KALRN: variants seen among roughly 807,000 people sequenced by gnomAD.
KALRN encodes the protein kalirin RhoGEF kinase.
KALRN carries 70 observed loss-of-function variants against 353.7 expected under a neutral mutation model. The observed-to-expected ratio is 0.20, with a 90% CI of 0.16 to 0.24. The LOEUF is 0.24. Among genes scored for constraint, KALRN ranks in the 10% least tolerant of loss-of-function variants. The pLI is 1.00. For missense variants in KALRN, 2,791 were observed against 3,756.7 expected (o/e 0.74, Z 6.72); for synonymous variants, 1,391 against 1,434.8 (o/e 0.97, Z 0.69).
intron 34 of KALRN, among the ~76,000 whole-genome samples, chr3:124,619,589 C>G (rs2079049089): frequency 6.8e-6 from 1 of 147,036 alleles, no homozygotes; most frequent in South Asian, 2.2e-4. Context: ...CAGGCTCAAG[C>G]AATTCTCCTG....
At chr3:124,659,553 C>A in intron 43 of KALRN, 96 bp downstream of exon 43, 2 of 816,348 alleles carry the variant, frequency 2.4e-6, no homozygotes, top group Non-Finnish European at 4.3e-6. Flanking sequence ...TCTGTCTCCA[C>A]CACACTGTCC....
At chr3:124,305,342 C>T (rs1273499148) in intron 6 of KALRN, among the ~76,000 whole-genome samples, 1 of 152,108 alleles carries the variant, frequency 6.6e-6, no homozygotes, top group African/African-American at 2.4e-5. Flanking sequence ...TTGCCAGAGA[C>T]AATCAGGGAA....
chr3:124,501,681 G>A (rs919575222), intron 33 of KALRN, among the ~76,000 whole-genome samples: 4 of 152,094 alleles, frequency 2.6e-5, no homozygotes, highest in Admixed American at 2.6e-4. Context: ...CACACTGGGA[G>A]GCCACTAGAT....
chr3:124,612,387 G>A (rs2078093412), intron 34 of KALRN, among the ~76,000 whole-genome samples: 1 of 152,170 alleles, frequency 6.6e-6, no homozygotes. Context: ...ATTTTTAGTA[G>A]ACATGGGGTT....
rs1184630192 is a variant in KALRN, at chr3:124,367,515, AC to A, written c.1771-17323del. Among the ~76,000 whole-genome samples the A allele has an allele frequency of 7.6e-5, 6 of 78,534 alleles. No homozygotes were observed. The East Asian group carries it at 1.4e-3, about 19-fold the overall frequency. The allele number at this position is 78,534 out of a possible 152,430, so 51.5% of individuals were successfully genotyped here. A position where few individuals can be genotyped will look rare whatever the true frequency, so the allele number is the denominator to read the frequency against. On this transcript the variant is annotated intron_variant, in intron 10 of 59. Coordinates refer to ENST00000682506, the MANE Select transcript of KALRN (RefSeq NM_001388419.1). ...GGCAGCTGGCCGGGCGGGGGGGCTG[AC>A]CCCCCCACCTCCCTCCCGGACGGGG...
rs1314469588 is a variant in KALRN at position 124,489,430 on chromosome 3, C to T, written c.4396+1115C>T. ...TTTTTCTCTTCTGGACTCCATCCTA[C>T]TCCGCCAATACCACCAACACCACCT... On this transcript the variant is annotated intron_variant, in intron 29 of 59. Transcript: ENST00000682506. Among the ~76,000 whole-genome samples the T allele has an allele frequency of 2.0e-5, 3 of 152,324 alleles. No homozygotes were observed. The East Asian group carries it at 5.8e-4, about 29-fold the overall frequency.
At position 124,725,827 on chromosome 3, in the gene KALRN, G is replaced by C. The variant is rs1313441529; in HGVS notation, c.*6357G>C. ...TTTGAGTGACCCCTGCCCCCCTCAA[G>C]TCTTTTGAGAATTTGGAGTGGGCTT... On this transcript the variant is annotated 3_prime_UTR_variant, in exon 60 of 60. Transcript: ENST00000682506. The C allele has an allele frequency of 6.6e-6, 1 of 152,174 alleles. No individual in the cohort carries two copies. The highest frequency in any genetic ancestry group is 6.5e-5 in the Admixed American group (1 of 15,284). The allele number at this position is 152,174 out of a possible 1,614,324, so 9.4% of individuals were successfully genotyped here.
intron 10 of KALRN, among the ~76,000 whole-genome samples, chr3:124,369,135 A>G (rs2085469777): frequency 6.6e-6 from 1 of 152,232 alleles, no homozygotes; most frequent in Non-Finnish European, 1.5e-5. Context: ...GTATTTCTCC[A>G]AGCATTCGTG....
intron 34 of KALRN, among the ~76,000 whole-genome samples, chr3:124,575,366 A>G (rs2073989815): frequency 6.6e-6 from 1 of 152,200 alleles, no homozygotes; most frequent in South Asian, 2.1e-4. Context: ...GACCCATCTC[A>G]GTTCAGAATG....
chr3:124,389,449 C>A (rs1484321681), intron 11 of KALRN, among the ~76,000 whole-genome samples: 1 of 152,182 alleles, frequency 6.6e-6, no homozygotes, highest in Non-Finnish European at 1.5e-5. Context: ...CTCATTTCTT[C>A]TACAAATTCA....
At chr3:124,572,619 G>A (rs2073665044) in intron 34 of KALRN, among the ~76,000 whole-genome samples, 1 of 152,184 alleles carries the variant, frequency 6.6e-6, no homozygotes, top group South Asian at 2.1e-4. Flanking sequence ...ATGTAACAGA[G>A]TTGCTGGGAG....
chr3:124,135,341 A>G (rs755675773), intron 1 of KALRN, among the ~76,000 whole-genome samples: 50 of 152,276 alleles, frequency 3.3e-4, no homozygotes, highest in African/African-American at 1.2e-3. Flanking sequence ...ACACAAAGGC[A>G]TAAGAATGAT....
chr3:124,503,506 A>G (rs2064852951), intron 33 of KALRN, among the ~76,000 whole-genome samples: 1 of 152,018 alleles, frequency 6.6e-6, no homozygotes, highest in Non-Finnish European at 1.5e-5. Context: ...TTTGAAAATA[A>G]CTTTCTTCCC....
intron 13 of KALRN, among the ~76,000 whole-genome samples, chr3:124,401,995 T>G (rs2090935924): frequency 6.6e-6 from 1 of 152,128 alleles, no homozygotes; most frequent in Admixed American, 6.5e-5. Context: ...GGTCTGTGAT[T>G]ACAGGACCTA....
chr3:124,488,360 C>A, intron 29 of KALRN, 45 bp downstream of exon 29: 1 of 1,234,602 alleles, frequency 8.1e-7, no homozygotes, highest in Non-Finnish European at 1.2e-6. Context: ...TCTTCCTTGA[C>A]ACGGGGGAGC....
rs1465533583 is a variant in KALRN at position 124,614,032 on chromosome 3, T to C, written c.5183-18388T>C. Reference sequence around the variant, plus strand: ...ATTTGAGATCTATAGAAGAGACTCATGGGTTGAGTATAAACCTGGCCTCAG... The same window carrying C: ...ATTTGAGATCTATAGAAGAGACTCACGGGTTGAGTATAAACCTGGCCTCAG... On this transcript the variant is annotated intron_variant, in intron 34 of 59. Coordinates refer to ENST00000682506, the MANE Select transcript of KALRN (RefSeq NM_001388419.1). Among the ~76,000 whole-genome samples, 3 of 152,220 alleles carry C rather than the reference T, an allele frequency of 2.0e-5. No homozygotes were observed. The East Asian group carries it at 5.8e-4, about 29-fold the overall frequency.
At chr3:124,488,422 A>G in intron 29 of KALRN, 107 bp downstream of exon 29, 1 of 764,870 alleles carries the variant, frequency 1.3e-6, no homozygotes, top group Non-Finnish European at 2.3e-6. Flanking sequence ...CAAGGCTGGA[A>G]GAGAGAAGAA....
chr3:124,324,817 A>G (rs1437759851), intron 6 of KALRN, among the ~76,000 whole-genome samples: 1 of 152,218 alleles, frequency 6.6e-6, no homozygotes, highest in Non-Finnish European at 1.5e-5. Flanking sequence ...GTATTAATGA[A>G]CTACATCTGA....
intron 55 of KALRN, among the ~76,000 whole-genome samples, chr3:124,698,927 T>C (rs2062189151): frequency 6.6e-6 from 1 of 152,200 alleles, no homozygotes; most frequent in Non-Finnish European, 1.5e-5. Context: ...GCTCTAATTG[T>C]TAATAACACA....
Sources: gnomAD v4.1 joint callset for allele counts (sites outside exome capture counted in the v4.1 genomes callset) on GRCh38, gnomAD v4.1.1 for gene constraint, MANE v1.5 for transcripts, NCBI Gene and HGNC (gene_info 2026-07-23, HGNC 2026-07-21) for gene names.